MSTO1: variants seen among roughly 807,000 people sequenced by gnomAD.
The protein encoded by MSTO1 is misato mitochondrial distribution and morphology regulator 1.
In MSTO1, 24 loss-of-function variants were observed where a neutral mutation model predicts 55.7. The ratio of observed to expected loss-of-function variants is 0.43; its 90% CI spans 0.31 to 0.61. MSTO1 has a LOEUF of 0.61. Among genes scored for constraint, MSTO1 ranks in the 20% least tolerant of loss-of-function variants. The pLI is 0.09. For missense variants in MSTO1, 363 were observed against 625.7 expected (o/e 0.58, Z 4.48); for synonymous variants, 162 against 252.8 (o/e 0.64, Z 3.41).
rs1674399579 is a variant in MSTO1, at chr1:155,612,445, T to G, written c.841T>G (p.Leu281Val). The change falls in exon 9 of 14, where the codon TTA (leucine) becomes GTA (valine). Residue 281 changes from leucine to valine, a missense_variant. This residue lies in a region of MSTO1 where 231 missense variants were observed against 286.9 expected (regional missense o/e 0.81). Coordinates refer to ENST00000245564, the MANE Select transcript of MSTO1 (RefSeq NM_018116.4). ...GGCCCAGAGAAACATCTATCGTCTA[T>G]TAAACACAGCTTTTGGTCTCGTGCA... ...GEAQRNIYRLLNTAFGLVHLT... is the reference protein window; with the variant it reads ...GEAQRNIYRLVNTAFGLVHLT... 1 of 1,613,830 alleles carries G rather than the reference T, an allele frequency of 6.2e-7. No homozygotes were observed. The highest frequency in any genetic ancestry group is 1.1e-5 in the South Asian group (1 of 91,082).
chr1:155,581,283 A>G, the MSTO1 span, among the ~76,000 whole-genome samples: 1 of 152,266 alleles, frequency 6.6e-6, no homozygotes, highest in East Asian at 1.9e-4. Flanking sequence ...CATTTTAAAT[A>G]AAGACTGTGG....
At chr1:155,591,694 G>A in the MSTO1 span, among the ~76,000 whole-genome samples, 2 of 151,932 alleles carry the variant, frequency 1.3e-5, no homozygotes, top group Non-Finnish European at 2.9e-5. Flanking sequence ...GGAGGCTGAG[G>A]CAGGAGAATC....
At chr1:155,591,241 T>G in the MSTO1 span, 2 of 1,608,334 alleles carry the variant, frequency 1.2e-6, no homozygotes, top group Non-Finnish European at 1.7e-6. Flanking sequence ...ACTCCCAGGA[T>G]CTGCATTCTG....
chr1:155,595,114 G>A, the MSTO1 span, among the ~76,000 whole-genome samples: 1 of 150,760 alleles, frequency 6.6e-6, no homozygotes, highest in Non-Finnish European at 1.5e-5. Context: ...TTACAGCCTG[G>A]GCGACAGAGC....
the MSTO1 span, among the ~76,000 whole-genome samples, chr1:155,587,698 C>T: frequency 6.9e-6 from 1 of 143,948 alleles, no homozygotes; most frequent in Non-Finnish European, 1.5e-5. Context: ...GAGCCGAGAT[C>T]GCGCCACTGC....
the MSTO1 span, among the ~76,000 whole-genome samples, chr1:155,592,654 A>G: frequency 6.6e-6 from 1 of 151,574 alleles, no homozygotes; most frequent in African/African-American, 2.4e-5. Flanking sequence ...CCCGGGTTCA[A>G]GTGATTCTTG....
the MSTO1 span, among the ~76,000 whole-genome samples, chr1:155,571,229 G>A: frequency 6.6e-6 from 1 of 152,110 alleles, no homozygotes; most frequent in Non-Finnish European, 1.5e-5. Context: ...GTGGCCCATG[G>A]GCTGCATACA....
chr1:155,595,467 C>T, the MSTO1 span, among the ~76,000 whole-genome samples: 17 of 150,720 alleles, frequency 1.1e-4, no homozygotes, highest in Non-Finnish European at 1.9e-4. Flanking sequence ...CGTGAGCCAC[C>T]GCGCCCGGCC....
chr1:155,598,110 A>C, the MSTO1 span, among the ~76,000 whole-genome samples: 491 of 148,922 alleles, frequency 3.3e-3, 2 homozygotes, highest in African/African-American at 0.012. Flanking sequence ...GTGCCACTAC[A>C]CCCGGCCAGA....
At chr1:155,599,739 G>C in the MSTO1 span, among the ~76,000 whole-genome samples, 1 of 152,200 alleles carries the variant, frequency 6.6e-6, no homozygotes, top group Non-Finnish European at 1.5e-5. Context: ...TTCTCCGAGA[G>C]GGGGATGTGT....
chr1:155,573,418 A>G, the MSTO1 span, among the ~76,000 whole-genome samples: 1 of 152,106 alleles, frequency 6.6e-6, no homozygotes, highest in African/African-American at 2.4e-5. Context: ...TAGAAAAATT[A>G]GCTGGGAATG....
At chr1:155,570,755 GA>G in the MSTO1 span, among the ~76,000 whole-genome samples, 3 of 152,012 alleles carry the variant, frequency 2.0e-5, no homozygotes, top group African/African-American at 7.3e-5. Flanking sequence ...ATACCTATAG[GA>G]AAAAACTGTG....
chr1:155,579,027 G>T, the MSTO1 span, among the ~76,000 whole-genome samples: 3 of 151,546 alleles, frequency 2.0e-5, no homozygotes, highest in Non-Finnish European at 4.4e-5. Flanking sequence ...CCAAGAGGAG[G>T]CCAGGTGTGG....
chr1:155,613,341 AAAAAGG>A, intron 11 of MSTO1, 108 bp downstream of exon 11: 2 of 1,566,440 alleles, frequency 1.3e-6, no homozygotes, highest in Non-Finnish European at 1.7e-6. Flanking sequence ...CCCACCCCTT[AAAAAGG>A]AAAAAAAAAA....
the MSTO1 span, among the ~76,000 whole-genome samples, chr1:155,583,679 C>T: frequency 2.7e-3 from 410 of 152,246 alleles, no homozygotes; most frequent in Non-Finnish European, 4.2e-3. Flanking sequence ...GCTGATTACA[C>T]GTTCTGACCG....
chr1:155,571,024 A>G, the MSTO1 span, among the ~76,000 whole-genome samples: 275 of 152,328 alleles, frequency 1.8e-3, no homozygotes, highest in African/African-American at 6.1e-3. Context: ...AAAAACACCT[A>G]TAGCTACAAG....
Position 155,612,606 on chromosome 1 carries a change from C to T in MSTO1, c.966+36C>T. On this transcript the variant is annotated intron_variant, in intron 9 of 13. Coordinates refer to ENST00000245564, the MANE Select transcript of MSTO1 (RefSeq NM_018116.4). Reference sequence around the variant, plus strand: ...GTGCTCTTGTTCTGACTGCGGCAGGCTACAGGGCCTCCTCATGCTCCCAGT... The same window carrying T: ...GTGCTCTTGTTCTGACTGCGGCAGGTTACAGGGCCTCCTCATGCTCCCAGT... 9 of 1,577,092 alleles carry T rather than the reference C, an allele frequency of 5.7e-6. 1 individual carries two copies. In the South Asian group the frequency reaches 1.0e-4, roughly 18 times the overall value.
chr1:155,611,500 G>A (rs1362854588), intron 4 of MSTO1, 49 bp from the exon 5 acceptor site: 5 of 1,613,660 alleles, frequency 3.1e-6, no homozygotes, highest in Non-Finnish European at 3.4e-6. Context: ...AGCAACCTTT[G>A]CCTCTAAACT....
chr1:155,577,015 CAAAAAAAAA>C, the MSTO1 span, among the ~76,000 whole-genome samples: 21 of 34,650 alleles, frequency 6.1e-4, no homozygotes, highest in African/African-American at 2.4e-3. Context: ...AACTCCGTCT[CAAAAAAAAA>C]AAAAAAAAAA....
Sources: gnomAD v4.1 joint callset for allele counts (sites outside exome capture counted in the v4.1 genomes callset) on GRCh38, gnomAD v4.1.1 for gene constraint, gnomAD v4.1.1 regional missense constraint, MANE v1.5 for transcripts, NCBI Gene and HGNC (gene_info 2026-07-23, HGNC 2026-07-21) for gene names.